The following MMS22L variants were observed in gnomAD, a reference collection of about 807,000 sequenced individuals.
MMS22L encodes the protein MMS22 like, DNA repair protein.
MMS22L carries 74 observed loss-of-function variants against 159.1 expected under a neutral mutation model. That is an observed-to-expected ratio of 0.47 (90% CI 0.39 to 0.56). The LOEUF (loss-of-function observed/expected upper bound fraction) is 0.56, where lower values mean the gene tolerates loss of function less well. Among genes scored for constraint, MMS22L ranks in the 20% least tolerant of loss-of-function variants. The pLI is 0.00. For synonymous variants in MMS22L, 517 were observed against 506.9 expected, an observed-to-expected ratio of 1.02 and a Z score of -0.27; for missense variants, 1,351 against 1,422.1, an observed-to-expected ratio of 0.95 and a Z score of 0.80.
intron 7 of MMS22L, among the ~76,000 whole-genome samples, chr6:97,269,682 T>C (rs1340970486): frequency 2.0e-5 from 3 of 152,156 alleles, no homozygotes; most frequent in Admixed American, 1.3e-4. Context: ...TATGAGTTTC[T>C]ATATATGTAT....
At chr6:97,181,547 C>T (rs887598121) in intron 16 of MMS22L, among the ~76,000 whole-genome samples, 5 of 151,948 alleles carry the variant, frequency 3.3e-5, no homozygotes, top group Admixed American at 6.6e-5. Context: ...ATCATTAAAA[C>T]GAAGACTGTA....
At position 97,268,022 on chromosome 6, in the gene MMS22L, A is replaced by C. The variant is rs1270866386; in HGVS notation, c.698-20T>G. 6.7e-7 allele frequency: 1 copy of C among 1,489,682 alleles called. No individual in the cohort carries two copies. 92.3% of individuals were successfully genotyped at this position (1,489,682 alleles called of 1,614,324 possible). Reference sequence around the variant, plus strand: ...CTTGTTCTGAAAATGTAATAAAAATAGTTTTAAAATACAGATTTTACTAAG... The same window carrying C: ...CTTGTTCTGAAAATGTAATAAAAATCGTTTTAAAATACAGATTTTACTAAG... On this transcript the variant is annotated intron_variant, in intron 7 of 24. Transcript: ENST00000683635.
chr6:97,232,129 T>C (rs1582719233), intron 12 of MMS22L, among the ~76,000 whole-genome samples: 1 of 152,182 alleles, frequency 6.6e-6, no homozygotes, highest in East Asian at 1.9e-4. Context: ...CAGATTTATG[T>C]TGACTTTTTT....
chr6:97,256,352 C>A (rs986228721), intron 9 of MMS22L, among the ~76,000 whole-genome samples: 1 of 152,000 alleles, frequency 6.6e-6, no homozygotes, highest in East Asian at 1.9e-4. Context: ...GTGCTTTAGC[C>A]GTTTTTTAAT....
At chr6:97,249,193 TTTTG>T (rs1812980063) in intron 10 of MMS22L, among the ~76,000 whole-genome samples, 2 of 152,104 alleles carry the variant, frequency 1.3e-5, no homozygotes, top group South Asian at 4.1e-4. Context: ...TGGGCACCCG[TTTTG>T]CAACACTCCC....
chr6:97,252,140 T>C (rs1813307110), intron 10 of MMS22L, among the ~76,000 whole-genome samples: 1 of 151,156 alleles, frequency 6.6e-6, no homozygotes, highest in Non-Finnish European at 1.5e-5. Flanking sequence ...TAGGTGGTTA[T>C]ATCACTGCAA....
intron 6 of MMS22L, chr6:97,270,250 G>A (rs1337359905): frequency 5.1e-6 from 3 of 583,966 alleles, no homozygotes; most frequent in Non-Finnish European, 9.7e-6. Flanking sequence ...GTATAGTAAA[G>A]GTACCTTCCA....
At chr6:97,148,411 C>T (rs1170473824) in intron 24 of MMS22L, among the ~76,000 whole-genome samples, 3 of 152,050 alleles carry the variant, frequency 2.0e-5, no homozygotes, top group African/African-American at 7.2e-5. Context: ...AAGAAGGCTT[C>T]CTTATTGCAG....
chr6:97,283,836 A>G (rs1385349492), upstream of MMS22L, among the ~76,000 whole-genome samples: 2 of 152,216 alleles, frequency 1.3e-5, no homozygotes, highest in Non-Finnish European at 2.9e-5. Flanking sequence ...AAAGATTTAA[A>G]TCGTACAAAG....
intron 9 of MMS22L, chr6:97,261,583 A>C (rs1344942660): frequency 1.3e-5 from 2 of 152,342 alleles, no homozygotes; most frequent in African/African-American, 4.8e-5. Context: ...TAAGGATTGC[A>C]GTCAATAGTA....
chr6:97,187,587 C>T (rs1015707914), intron 14 of MMS22L, among the ~76,000 whole-genome samples: 3 of 150,742 alleles, frequency 2.0e-5, no homozygotes, highest in Non-Finnish European at 3.0e-5. Context: ...ATTTTTTTTT[C>T]AATTATACAG....
Position 97,173,266 on chromosome 6 carries a change from C to A in MMS22L, c.2680-44G>T, listed in dbSNP as rs770193931. The A allele has an allele frequency of 1.7e-5, 27 of 1,564,702 alleles. No individual in the cohort carries two copies. The South Asian group carries it at 3.1e-4, about 18-fold the overall frequency. ...ATTATTTAACTTCCCAAAGTTTATACCATAAAGATTTGGAACATAAAGATA... is the reference window on the plus strand; with the variant it reads ...ATTATTTAACTTCCCAAAGTTTATAACATAAAGATTTGGAACATAAAGATA... On this transcript the variant is annotated intron_variant, in intron 18 of 24. Transcript: ENST00000683635.
chr6:97,278,750 G>T, intron 4 of MMS22L, 99 bp downstream of exon 4: 1 of 936,388 alleles, frequency 1.1e-6, no homozygotes, highest in Non-Finnish European at 1.6e-6. Context: ...TGCTTCCTCT[G>T]TATTATCATG....
Position 97,254,609 on chromosome 6 carries a change from G to A in MMS22L, c.1067C>T (p.Thr356Ile). 1.9e-6 allele frequency: 3 copies of A among 1,613,612 alleles called. No homozygotes were observed. The highest frequency in any genetic ancestry group is 2.5e-6 in the Non-Finnish European group (3 of 1,179,762). ...AAACTTGTAAAATGATGCTACATGA[G>A]TAATAATCCACCAACTAAAACCTAA... The part of the protein sequence containing the change: ...DPLGFSWWII[T>I]HVASFYKFDR... Residue 356 changes from threonine to isoleucine, a missense_variant, in exon 10 of 25, where the codon ACT becomes ATT. By Grantham distance (89) the Thr-to-Ile change is moderately conservative (BLOSUM62 -1). Transcript: ENST00000683635.
At chr6:97,244,636 C>G (rs1297245829) in intron 11 of MMS22L, among the ~76,000 whole-genome samples, 1 of 152,224 alleles carries the variant, frequency 6.6e-6, no homozygotes, top group Non-Finnish European at 1.5e-5. Context: ...GCTTCCTGCT[C>G]TCAAACATTG....
At chr6:97,166,044 A>G (rs899075162) in intron 20 of MMS22L, among the ~76,000 whole-genome samples, 7 of 152,182 alleles carry the variant, frequency 4.6e-5, no homozygotes, top group African/African-American at 1.7e-4. Flanking sequence ...TGAGTTAGTA[A>G]TATTGTATCT....
At chr6:97,273,279 C>T (rs552666573) in intron 4 of MMS22L, among the ~76,000 whole-genome samples, 1 of 152,234 alleles carries the variant, frequency 6.6e-6, no homozygotes, top group East Asian at 1.9e-4. Context: ...CAGTGCCTAC[C>T]CTCAAGTAAC....
rs111457522 is a variant in MMS22L, at chr6:97,198,201, C to T, written c.2040-11511G>A. ...AATACCCTGTTCGAGAGGCCACAGA[C>T]AGCACTCAGGTCAACAGTTCCAGCT... On this transcript the variant is annotated intron_variant, in intron 14 of 24. Transcript: ENST00000683635. 7.3e-3 allele frequency among the ~76,000 whole-genome samples: 1,106 copies of T among 152,262 alleles called. 16 individuals carry two copies. Among genetic ancestry groups the T allele is most frequent in the African/African-American group, 0.025 (1,034 of 41,554 alleles).
intron 20 of MMS22L, among the ~76,000 whole-genome samples, chr6:97,167,733 A>G (rs1803110957): frequency 6.6e-6 from 1 of 151,246 alleles, no homozygotes; most frequent in African/African-American, 2.4e-5. Context: ...ACTCCTACCC[A>G]TTTTGCTCTT....
Sources: allele counts gnomAD v4.1 joint callset (sites outside exome capture counted in the v4.1 genomes callset), GRCh38; gene constraint gnomAD v4.1.1; transcripts MANE v1.5; gene names NCBI Gene and HGNC (gene_info 2026-07-23, HGNC 2026-07-21).